The following ARHGEF10L variants were observed in gnomAD, a reference collection of about 807,000 sequenced individuals.
The protein encoded by ARHGEF10L is rho guanine nucleotide exchange factor 10-like protein.
ARHGEF10L carries 69 observed loss-of-function variants against 141.2 expected under a neutral mutation model. The observed-to-expected ratio is 0.49, with a 90% CI of 0.40 to 0.60. The LOEUF is 0.60. Among genes scored for constraint, ARHGEF10L ranks in the 20% least tolerant of loss-of-function variants. The pLI is 0.00. For synonymous variants in ARHGEF10L, 711 were observed against 718.5 expected, an observed-to-expected ratio of 0.99 and a Z score of 0.17; for missense variants, 1,482 against 1,734.3, an observed-to-expected ratio of 0.85 and a Z score of 2.58.
chr1:17,620,142 G>A (rs991558172), intron 10 of ARHGEF10L, among the ~76,000 whole-genome samples: 12 of 151,184 alleles, frequency 7.9e-5, no homozygotes, highest in Admixed American at 6.6e-4. Context: ...GGCAGAGGTT[G>A]CAGTGAGCCG....
At position 17,619,436 on chromosome 1, in the gene ARHGEF10L, C is replaced by T. The variant is rs111734112; in HGVS notation, c.933C>T (p.Ser311=). 1 of 1,607,018 alleles carries T rather than the reference C, an allele frequency of 6.2e-7. No homozygotes were observed. The highest frequency in any genetic ancestry group is 1.7e-5 in the Admixed American group (1 of 59,138). ...PELGPMPEGL[S]PQQVVRRHIL... ...TGGGCCCCATGCCAGAGGGCCTGAG[C>T]CCTCAGCAGGTCTGTGGGGGAGTGG... The change falls in exon 10 of 29, where the codon AGC becomes AGT. Residue 311 remains serine (S), a synonymous_variant. Coordinates refer to ENST00000361221, the MANE Select transcript of ARHGEF10L (RefSeq NM_018125.4). The surrounding 1 kb of genome is among the most constrained non-coding windows in gnomAD (Gnocchi z 5.0).
In ARHGEF10L at chr1:17,656,170, T is replaced by C; in HGVS notation, c.2705+68T>C. The C allele has an allele frequency of 1.3e-6, 2 of 1,489,616 alleles. No individual in the cohort carries two copies. Among genetic ancestry groups the C allele is most frequent in the Non-Finnish European group, 1.8e-6 (2 of 1,100,718 alleles). The allele number at this position is 1,489,616 out of a possible 1,614,324, so 92.3% of individuals were successfully genotyped here. On this transcript the variant is annotated intron_variant, in intron 24 of 28. Coordinates refer to ENST00000361221, the MANE Select transcript of ARHGEF10L (RefSeq NM_018125.4). The surrounding 1 kb of genome is among the most constrained non-coding windows in gnomAD (Gnocchi z 4.9). Reference sequence around the variant, plus strand: ...CTGGGCAGTGGGTGGGGGCTGTCCCTGTAGCCTTCCGGATCTGCCTGTTGC... The same window carrying C: ...CTGGGCAGTGGGTGGGGGCTGTCCCCGTAGCCTTCCGGATCTGCCTGTTGC...
At position 17,639,515 on chromosome 1, in the gene ARHGEF10L, G is replaced by A. The variant is rs1419526543; in HGVS notation, c.2172-687G>A. Among the ~76,000 whole-genome samples, 1 of 152,142 alleles carries A rather than the reference G, an allele frequency of 6.6e-6. No homozygotes were observed. The highest frequency in any genetic ancestry group is 2.4e-5 in the African/African-American group (1 of 41,428). On this transcript the variant is annotated intron_variant, in intron 20 of 28. Coordinates refer to ENST00000361221, the MANE Select transcript of ARHGEF10L (RefSeq NM_018125.4). This position sits in a 1 kb window ranked among gnomAD's most constrained non-coding sequence, Gnocchi z 4.3. ...TGTAGGAGTCAGCAGCTTTGAATCT[G>A]CCGCCTCCCTGTTGAGTGGCCTGTC...
In ARHGEF10L at chr1:17,621,750, G is replaced by A. The variant is rs2060119907; in HGVS notation, c.943-114G>A. The A allele has an allele frequency of 2.2e-6, 2 of 919,752 alleles. No homozygotes were observed. Among genetic ancestry groups the A allele is most frequent in the Non-Finnish European group, 3.5e-6 (2 of 567,252 alleles). 57.0% of individuals were successfully genotyped at this position (919,752 alleles called of 1,614,324 possible). A position where few individuals can be genotyped will look rare whatever the true frequency, so the allele number is the denominator to read the frequency against. On this transcript the variant is annotated intron_variant, in intron 10 of 28. Coordinates refer to ENST00000361221, the MANE Select transcript of ARHGEF10L (RefSeq NM_018125.4). The surrounding 1 kb of genome is among the most constrained non-coding windows in gnomAD (Gnocchi z 4.1). The stretch of plus-strand genomic sequence containing the variant: ...GCCACCAGGCCCAGTGGTCCCAGGT[G>A]GGACCTGGGAGGGATGGGTTTCTCT...
At position 17,607,846 on chromosome 1, in the gene ARHGEF10L, G is replaced by T; in HGVS notation, c.478G>T (p.Ala160Ser). 6.3e-7 allele frequency: 1 copy of T among 1,593,294 alleles called. No homozygotes were observed. The highest frequency in any genetic ancestry group is 8.5e-7 in the Non-Finnish European group (1 of 1,170,918). ...CTACGAGGATGCGCACCGGGCTGGG[G>T]CCCCTCGGCAGGCGGAGGACCTAGG... ...LLYEDAHRAGAPRQAEDLGWS... is the reference protein window; with the variant it reads ...LLYEDAHRAGSPRQAEDLGWS... Residue 160 changes from alanine to serine, a missense_variant, in exon 7 of 29, where the codon GCC becomes TCC. Coordinates refer to ENST00000361221, the MANE Select transcript of ARHGEF10L (RefSeq NM_018125.4). This position sits in a 1 kb window ranked among gnomAD's most constrained non-coding sequence, Gnocchi z 4.5.
intron 4 of ARHGEF10L, among the ~76,000 whole-genome samples, chr1:17,593,185 G>C (rs2079731978): frequency 6.6e-6 from 1 of 152,228 alleles, no homozygotes; most frequent in Admixed American, 6.5e-5. Context: ...CATCCCTGCA[G>C]CGGTGGGACT....
chr1:17,635,232 CCA>C (rs958188760), intron 18 of ARHGEF10L, among the ~76,000 whole-genome samples: 4 of 152,178 alleles, frequency 2.6e-5, no homozygotes, highest in African/African-American at 9.7e-5. Context: ...ATCTCCCAAT[CCA>C]CACACTTTGC....
intron 4 of ARHGEF10L, among the ~76,000 whole-genome samples, chr1:17,598,571 C>T (rs1412939937): frequency 6.6e-6 from 1 of 152,146 alleles, no homozygotes; most frequent in Non-Finnish European, 1.5e-5. Flanking sequence ...TTTATATGGG[C>T]ACTAATCCCA....
rs2060312947 is a variant in ARHGEF10L at position 17,625,130 on chromosome 1, C to T, written c.1317+627C>T. ...CGGCCTCAGTGGAGGAACCCACTGTCCCCATCAAAGAGAACAGGGGATCAG... is the reference window on the plus strand; with the variant it reads ...CGGCCTCAGTGGAGGAACCCACTGTTCCCATCAAAGAGAACAGGGGATCAG... On this transcript the variant is annotated intron_variant, in intron 13 of 28. Coordinates refer to ENST00000361221, the MANE Select transcript of ARHGEF10L (RefSeq NM_018125.4). This position sits in a 1 kb window ranked among gnomAD's most constrained non-coding sequence, Gnocchi z 4.5. Among the ~76,000 whole-genome samples the T allele has an allele frequency of 6.6e-6, 1 of 152,198 alleles. No individual in the cohort carries two copies. Among genetic ancestry groups the T allele is most frequent in the South Asian group, 2.1e-4 (1 of 4,832 alleles).
At chr1:17,592,362 C>G (rs2079622608) in intron 4 of ARHGEF10L, among the ~76,000 whole-genome samples, 1 of 152,280 alleles carries the variant, frequency 6.6e-6, no homozygotes, top group South Asian at 2.1e-4. Context: ...CTCATGGGCT[C>G]CCTGAAGGTA....
Position 17,609,554 on chromosome 1 carries a change from A to G in ARHGEF10L, c.609+1577A>G, listed in dbSNP as rs1333077887. Among the ~76,000 whole-genome samples the G allele has an allele frequency of 3.3e-5, 5 of 152,210 alleles. No homozygotes were observed. In the South Asian group the frequency reaches 1.0e-3, roughly 32 times the overall value. On this transcript the variant is annotated intron_variant, in intron 7 of 28. Coordinates refer to ENST00000361221, the MANE Select transcript of ARHGEF10L (RefSeq NM_018125.4). ...ATGGGAAACAGTTTGTCAAAAATGAACACAAAATGCTGGTCATCATGATCA... is the reference window on the plus strand; with the variant it reads ...ATGGGAAACAGTTTGTCAAAAATGAGCACAAAATGCTGGTCATCATGATCA...
upstream of ARHGEF10L, among the ~76,000 whole-genome samples, chr1:17,535,616 C>A (rs371465333): frequency 4.7e-4 from 68 of 143,974 alleles, no homozygotes; most frequent in African/African-American, 1.6e-3. Flanking sequence ...AGGTCAGCAG[C>A]GGAGACAAGG....
rs1252860253 is a variant in ARHGEF10L at position 17,648,691 on chromosome 1, C to T, written c.2394+16C>T. The T allele has an allele frequency of 5.0e-6, 8 of 1,609,344 alleles. No homozygotes were observed. Among genetic ancestry groups the T allele is most frequent in the Admixed American group, 1.7e-5 (1 of 59,994 alleles). On this transcript the variant is annotated intron_variant, in intron 22 of 28. Transcript: ENST00000361221. ...CAGCCTGCAGGTGAGTGGAGCGGAT[C>T]TTGCTGAGCCGACCTCGAAGGTGGC...
At position 17,644,592 on chromosome 1, in the gene ARHGEF10L, C is replaced by T. The variant is rs2061488687; in HGVS notation, c.2273-3962C>T. On this transcript the variant is annotated intron_variant, in intron 21 of 28. Transcript: ENST00000361221. The surrounding 1 kb of genome is among the most constrained non-coding windows in gnomAD (Gnocchi z 4.5). Reference sequence around the variant, plus strand: ...GTCCAGCCCAGCCTGACATCTGTGGCTGTGGCCAGCAGCATCTCCATGGTG... The same window carrying T: ...GTCCAGCCCAGCCTGACATCTGTGGTTGTGGCCAGCAGCATCTCCATGGTG... 6.6e-6 allele frequency among the ~76,000 whole-genome samples: 1 copy of T among 152,248 alleles called. No individual in the cohort carries two copies.
intron 1 of ARHGEF10L, among the ~76,000 whole-genome samples, chr1:17,561,186 A>C (rs1386394912): frequency 1.3e-5 from 2 of 152,196 alleles, no homozygotes; most frequent in African/African-American, 4.8e-5. Flanking sequence ...CCCTGCCCAG[A>C]ACCTCAGATG....
At chr1:17,528,035 A>AT in the ARHGEF10L span, among the ~76,000 whole-genome samples, 1 of 151,422 alleles carries the variant, frequency 6.6e-6, no homozygotes, top group African/African-American at 2.4e-5. Context: ...TACCTGGCTA[A>AT]TTTTTGTATT....
In ARHGEF10L at chr1:17,591,525, C is replaced by T. The variant is rs550351377; in HGVS notation, c.257+3046C>T. Among the ~76,000 whole-genome samples, 103 of 151,982 alleles carry T rather than the reference C, an allele frequency of 6.8e-4. 2 individuals carry two copies. The highest frequency in any genetic ancestry group is 2.0e-4 in the Admixed American group (3 of 15,276). The stretch of plus-strand genomic sequence containing the variant: ...CTCCTGGGTTCAAGTGATTCTCCTG[C>T]CCAGCCTCCTGAGTAGCTGGGATTA... On this transcript the variant is annotated intron_variant, in intron 4 of 28. Coordinates refer to ENST00000361221, the MANE Select transcript of ARHGEF10L (RefSeq NM_018125.4).
At chr1:17,667,848 G>C (rs2063079794) in intron 26 of ARHGEF10L, among the ~76,000 whole-genome samples, 2 of 152,178 alleles carry the variant, frequency 1.3e-5, no homozygotes, top group African/African-American at 4.8e-5. Context: ...TAGGACTGGG[G>C]AGGCGTCATT....
At chr1:17,646,831 G>A (rs796763987) in intron 21 of ARHGEF10L, among the ~76,000 whole-genome samples, 4 of 152,150 alleles carry the variant, frequency 2.6e-5, no homozygotes, top group South Asian at 2.1e-4. Flanking sequence ...AGTCCAGCAC[G>A]GTGGAGCCAG....
Sources: gnomAD v4.1 joint callset for allele counts (sites outside exome capture counted in the v4.1 genomes callset) on GRCh38, gnomAD v4.1.1 for gene constraint, Gnocchi (gnomAD v3.1) non-coding constraint, MANE v1.5 for transcripts, NCBI Gene and HGNC (gene_info 2026-07-23, HGNC 2026-07-21) for gene names.